INTS1: variants seen among roughly 807,000 people sequenced by gnomAD.
The protein encoded by INTS1 is integrator complex subunit 1.
Under a neutral mutation model 241.6 loss-of-function variants are expected in INTS1, and 137 were observed. The observed-to-expected ratio is 0.57, with a 90% CI of 0.49 to 0.65. The LOEUF (loss-of-function observed/expected upper bound fraction) is 0.65. INTS1 is among the 30% of genes least tolerant of loss of function. The pLI, the probability that INTS1 is intolerant of heterozygous loss-of-function variation, is 0.00. For missense variants in INTS1, 3,073 were observed against 3,032.2 expected (o/e 1.01, Z -0.32); for synonymous variants, 1,692 against 1,337.8 (o/e 1.26, Z -5.78).
rs752830605 is a variant in INTS1, at chr7:1,502,995, A to G, written c.255T>C (p.Pro85=). Residue 85 remains proline (P), a synonymous_variant, in exon 3 of 48, where the codon CCT becomes CCC. Coordinates refer to ENST00000404767, the MANE Select transcript of INTS1 (RefSeq NM_001080453.3). ...TKRPKLSSTP[P]LSALGRLAEA... is the part of the protein sequence containing the mutation. Reference sequence around the variant, plus strand: ...CAGCCAGGCGCCCCAGGGCACTCAGAGGGGGTGTGGAGGAGAGTTTGGGGC... The same window carrying G: ...CAGCCAGGCGCCCCAGGGCACTCAGGGGGGGTGTGGAGGAGAGTTTGGGGC... 1 of 1,613,614 alleles carries G rather than the reference A, an allele frequency of 6.2e-7. No homozygotes were observed. Among genetic ancestry groups the G allele is most frequent in the South Asian group, 1.1e-5 (1 of 91,076 alleles).
At position 1,493,943 on chromosome 7, in the gene INTS1, G is replaced by A; in HGVS notation, c.1911-32C>T. The A allele has an allele frequency of 6.5e-7, 1 of 1,541,720 alleles. No homozygotes were observed. Among genetic ancestry groups the A allele is most frequent in the Non-Finnish European group, 8.8e-7 (1 of 1,140,634 alleles). On this transcript the variant is annotated intron_variant, in intron 14 of 47. Coordinates refer to ENST00000404767, the MANE Select transcript of INTS1 (RefSeq NM_001080453.3). This position sits in a 1 kb window ranked among gnomAD's most constrained non-coding sequence, Gnocchi z 5.3. ...GGTGGGGGAGGCATGACTCGGTGTG[G>A]GCTGCCCACACCTGCCAGACCTGAG...
chr7:1,479,738 G>A (rs1028818450), intron 30 of INTS1, 54 bp from the exon 31 acceptor site: 19 of 1,429,832 alleles, frequency 1.3e-5, no homozygotes, highest in South Asian at 3.0e-5. Context: ...GAGGAGGAGC[G>A]CAGCGGAGAG....
chr7:1,476,384 G>C lies in INTS1; in HGVS notation c.5223C>G (p.Ala1741=). Residue 1741 remains alanine, a synonymous_variant, in exon 38 of 48, where the codon GCC becomes GCG. Transcript: ENST00000404767. ...CGTCCTGGCTCCGCGTCTCCGCCTC[G>C]GCCAGGATCAGCTCCACCAGGCTGA... ...ELISLVELIL[A]EAETRSQDGD... 1 of 1,577,260 alleles carries C rather than the reference G, an allele frequency of 6.3e-7. No individual in the cohort carries two copies. The highest frequency in any genetic ancestry group is 8.6e-7 in the Non-Finnish European group (1 of 1,166,738).
At chr7:1,479,843 C>T (rs990497377) in intron 30 of INTS1, among the ~76,000 whole-genome samples, 159 bp from the exon 31 acceptor site, 3 of 152,222 alleles carry the variant, frequency 2.0e-5, no homozygotes, top group African/African-American at 7.2e-5. Flanking sequence ...GGCCCAGGGC[C>T]CTTGAGACCT....
chr7:1,493,395 C>T lies in INTS1; in HGVS notation c.2069-289G>A, dbSNP rs1782680105. Among the ~76,000 whole-genome samples, 1 of 152,124 alleles carries T rather than the reference C, an allele frequency of 6.6e-6. No individual in the cohort carries two copies. The highest frequency in any genetic ancestry group is 2.1e-4 in the South Asian group (1 of 4,826). On this transcript the variant is annotated intron_variant, in intron 15 of 47. Coordinates refer to ENST00000404767, the MANE Select transcript of INTS1 (RefSeq NM_001080453.3). This position sits in a 1 kb window ranked among gnomAD's most constrained non-coding sequence, Gnocchi z 5.3. ...CCGGCAGGGTGGGGACCCGCAAGCC[C>T]TCGGGGCAGAGCCACGGACGAGGCG... is the stretch of plus-strand genomic sequence containing the variant.
intron 11 of INTS1, 78 bp from the exon 12 acceptor site, chr7:1,496,342 G>A: frequency 1.8e-6 from 1 of 551,664 alleles, no homozygotes; most frequent in Non-Finnish European, 3.2e-6. Context: ...GCGCGGCACG[G>A]GGTCTGTATC....
intron 3 of INTS1, 62 bp downstream of exon 3, chr7:1,502,839 G>C: frequency 6.3e-7 from 1 of 1,579,348 alleles, no homozygotes; most frequent in East Asian, 2.2e-5. Flanking sequence ...GGCCTTCCCT[G>C]AACACCTGAT....
At chr7:1,474,383 G>C (rs1554273810) in intron 40 of INTS1, 23 bp from the exon 41 acceptor site, 4 of 1,563,728 alleles carry the variant, frequency 2.6e-6, no homozygotes, top group Non-Finnish European at 3.5e-6. Flanking sequence ...TGAGGGCCCA[G>C]TCAGCCCCGG....
chr7:1,471,560 A>G lies in INTS1; in HGVS notation c.6255+11T>C, dbSNP rs769798569. ...CTCCTCCCAGCTCTCCCTCAGCCCCATCCAGCTCACCGAGAAGAAGCTCAG... is the reference window on the plus strand; with the variant it reads ...CTCCTCCCAGCTCTCCCTCAGCCCCGTCCAGCTCACCGAGAAGAAGCTCAG... On this transcript the variant is annotated intron_variant, in intron 45 of 47. Coordinates refer to ENST00000404767, the MANE Select transcript of INTS1 (RefSeq NM_001080453.3). 1 of 1,611,920 alleles carries G rather than the reference A, an allele frequency of 6.2e-7. No homozygotes were observed. The highest frequency in any genetic ancestry group is 1.1e-5 in the South Asian group (1 of 91,074).
At chr7:1,476,749 G>A in intron 36 of INTS1, 45 bp downstream of exon 36, 2 of 1,612,390 alleles carry the variant, frequency 1.2e-6, no homozygotes, top group African/African-American at 1.3e-5. Flanking sequence ...TTCTGGTGAA[G>A]GCCAGTATGC....
chr7:1,480,567 GCTCTGTGTTCC>G, intron 29 of INTS1, 126 bp from the exon 30 acceptor site: 1 of 1,112,260 alleles, frequency 9.0e-7, no homozygotes, highest in Non-Finnish European at 1.3e-6. Flanking sequence ...TCAGACCTGG[GCTCTGTGTTCC>G]CCAAGGACCC....
chr7:1,479,122 AG>A (rs1781873105), intron 31 of INTS1, among the ~76,000 whole-genome samples: 1 of 152,238 alleles, frequency 6.6e-6, no homozygotes, highest in African/African-American at 2.4e-5. Flanking sequence ...CGCGGTTCAA[AG>A]GAAAAAGTAA....
intron 38 of INTS1, 36 bp from the exon 39 acceptor site, chr7:1,476,107 G>A (rs1270025779): frequency 6.5e-6 from 10 of 1,529,950 alleles, no homozygotes; most frequent in Non-Finnish European, 7.9e-6. Flanking sequence ...CAGGCGGACG[G>A]GGCCCCAGTG....
chr7:1,472,440 C>G (rs540821054), intron 43 of INTS1, 54 bp from the exon 44 acceptor site: 1 of 1,296,172 alleles, frequency 7.7e-7, no homozygotes, highest in Non-Finnish European at 1.1e-6. Flanking sequence ...ACGTGCCACA[C>G]TGAGGCACCA....
In INTS1 at chr7:1,503,182, G is replaced by A. The variant is rs1350715377; in HGVS notation, c.68C>T (p.Pro23Leu). The A allele has an allele frequency of 2.6e-6, 4 of 1,532,530 alleles. No individual in the cohort carries two copies. Among genetic ancestry groups the A allele is most frequent in the Non-Finnish European group, 2.6e-6 (3 of 1,139,746 alleles). The allele number at this position is 1,532,530 out of a possible 1,614,324, so 94.9% of individuals were successfully genotyped here. A position where few individuals can be genotyped will look rare whatever the true frequency, so the allele number is the denominator to read the frequency against. ...SAAAKPSGHP[P>L]PGDFIALGSK... ...GCCCAGAGCAATGAAGTCTCCTGGG[G>A]GAGGGTGCCCTGCAGAGAAAGGAGA... Residue 23 changes from proline (P) to leucine (L), a missense_variant, in exon 3 of 48, where the codon CCC becomes CTC. Pro to Leu is a moderately conservative substitution (Grantham distance 98). Coordinates refer to ENST00000404767, the MANE Select transcript of INTS1 (RefSeq NM_001080453.3).
Position 1,473,096 on chromosome 7 carries a change from G to GGTCGGTCCT in INTS1, c.6037_6045dup (p.Thr2014_Arg2016dup), listed in dbSNP as rs1562483940. The GGTCGGTCCT allele has an allele frequency of 6.2e-7, 1 of 1,609,826 alleles. No individual in the cohort carries two copies. Among genetic ancestry groups the GGTCGGTCCT allele is most frequent in the Admixed American group, 1.7e-5 (1 of 59,798 alleles). On this transcript the variant is annotated inframe_insertion, in exon 43 of 48. Transcript: ENST00000404767. ...CCCTCGCCCTCTTCGTCCAGGCCTC[G>GGTCGGTCCT]GTCGGTCCTGTCGTCCCTGCTGGGC...
rs377337854 is a variant in INTS1, at chr7:1,481,379, G to A, written c.3813C>T (p.His1271=). The change falls in exon 28 of 48, where the codon CAC becomes CAT. Residue 1271 remains histidine (H), a synonymous_variant. Transcript: ENST00000404767. This position sits in a 1 kb window ranked among gnomAD's most constrained non-coding sequence, Gnocchi z 6.8. ...TGTTCTGCTCCAGAGTCTGGGGGTC[G>A]TGGGCCACTGCCTGGTCCAGGAACT... ...LLQFLDQAVA[H]DPQTLEQNIM... 17 of 1,612,918 alleles carry A rather than the reference G, an allele frequency of 1.1e-5. No homozygotes were observed. The highest frequency in any genetic ancestry group is 3.3e-5 in the South Asian group (3 of 91,088).
rs767395007 is a variant in INTS1, at chr7:1,500,179, G to A, written c.537C>T (p.Gly179=). The A allele has an allele frequency of 7.6e-6, 12 of 1,586,706 alleles. No individual in the cohort carries two copies. Among genetic ancestry groups the A allele is most frequent in the Middle Eastern group, 1.7e-4 (1 of 6,016 alleles). The change falls in exon 4 of 48, where the codon GGC becomes GGT. Residue 179 remains glycine (G), a synonymous_variant. Transcript: ENST00000404767. ...GGGGCCCGGCTCAAACCTCAATGAC[G>A]CCCTCAGTGGCGAAGATGTTGGGCT... is the stretch of plus-strand genomic sequence containing the variant. The part of the protein sequence containing the change: ...KIKPNIFATE[G]VIEALCSLLR...
At position 1,502,996 on chromosome 7, in the gene INTS1, G is replaced by C; in HGVS notation, c.254C>G (p.Pro85Arg). The change falls in exon 3 of 48, where the codon CCT becomes CGT. Residue 85 changes from proline to arginine, a missense_variant. By Grantham distance (103) the Pro-to-Arg change is moderately radical. Transcript: ENST00000404767. Reference protein sequence around the residue: ...TKRPKLSSTPPLSALGRLAEA... With the variant: ...TKRPKLSSTPRLSALGRLAEA... ...AGCCAGGCGCCCCAGGGCACTCAGA[G>C]GGGGTGTGGAGGAGAGTTTGGGGCG... is the stretch of plus-strand genomic sequence containing the variant. 1 of 1,613,842 alleles carries C rather than the reference G, an allele frequency of 6.2e-7. No individual in the cohort carries two copies. Among genetic ancestry groups the C allele is most frequent in the Non-Finnish European group, 8.5e-7 (1 of 1,179,890 alleles).
Sources: allele counts gnomAD v4.1 joint callset (sites outside exome capture counted in the v4.1 genomes callset), GRCh38; gene constraint gnomAD v4.1.1; non-coding constraint Gnocchi (gnomAD v3.1); transcripts MANE v1.5; gene names NCBI Gene and HGNC (gene_info 2026-07-23, HGNC 2026-07-21).